The following MMP17 variants were observed in gnomAD, a reference collection of about 807,000 sequenced individuals.
The protein encoded by MMP17 is matrix metallopeptidase 17.
In MMP17, 54 loss-of-function variants were observed where a neutral mutation model predicts 49.1. The observed-to-expected ratio is 1.10, with a 90% CI of 0.88 to 1.38. MMP17 has a LOEUF of 1.38. MMP17 is among the 40% of genes most tolerant of loss of function. MMP17 has a pLI of 0.00. For missense variants in MMP17, 837 were observed against 853.7 expected, an observed-to-expected ratio of 0.98 and a Z score of 0.24; for synonymous variants, 397 against 383.1, an observed-to-expected ratio of 1.04 and a Z score of -0.42.
chr12:131,835,037 C>A (rs1887009944), intron 1 of MMP17, among the ~76,000 whole-genome samples: 1 of 152,194 alleles, frequency 6.6e-6, no homozygotes. Context: ...GCTCCCAAAC[C>A]TGCAAGGCTT....
Position 131,851,642 on chromosome 12 carries a change from G to A in MMP17, c.*368G>A, listed in dbSNP as rs115918518. 1,004 of 223,214 alleles carry A rather than the reference G, an allele frequency of 4.5e-3. 7 individuals are homozygous for A. Among genetic ancestry groups the A allele is most frequent in the African/African-American group, 0.02 (898 of 44,244 alleles). 13.8% of individuals were successfully genotyped at this position (223,214 alleles called of 1,614,324 possible). ...ACCCACACTGCTGCCTGGTGCTCCC[G>A]CCGGCCCACAGGGCCTCCGTCCCCA... On this transcript the variant is annotated 3_prime_UTR_variant, in exon 10 of 10. Coordinates refer to ENST00000360564, the MANE Select transcript of MMP17 (RefSeq NM_016155.7).
intron 1 of MMP17, among the ~76,000 whole-genome samples, chr12:131,837,137 G>C (rs1887124166): frequency 6.6e-6 from 1 of 152,202 alleles, no homozygotes; most frequent in Non-Finnish European, 1.5e-5. Context: ...CCTGCGCCAG[G>C]TGCTGGTGTG....
intron 5 of MMP17, among the ~76,000 whole-genome samples, chr12:131,843,761 C>G (rs184682767): frequency 6.6e-6 from 1 of 152,208 alleles, no homozygotes; most frequent in Non-Finnish European, 1.5e-5. Flanking sequence ...GGGTGTACCC[C>G]GGGGTGGAAT....
At position 131,851,427 on chromosome 12, in the gene MMP17, G is replaced by C. The variant is rs1467443240; in HGVS notation, c.*153G>C. The C allele has an allele frequency of 3.4e-6, 2 of 588,978 alleles. No homozygotes were observed. Among genetic ancestry groups the C allele is most frequent in the African/African-American group, 1.9e-5 (1 of 51,704 alleles). The allele number at this position is 588,978 out of a possible 1,614,324, so 36.5% of individuals were successfully genotyped here. A position where few individuals can be genotyped will look rare whatever the true frequency, so the allele number is the denominator to read the frequency against. On this transcript the variant is annotated 3_prime_UTR_variant, in exon 10 of 10. Transcript: ENST00000360564. Reference sequence around the variant, plus strand: ...GGCCAGCAGAGGGCACTGTCCGCCAGGGCTGGGCAGGCTCAGGTGGCAAGG... The same window carrying C: ...GGCCAGCAGAGGGCACTGTCCGCCACGGCTGGGCAGGCTCAGGTGGCAAGG...
intron 8 of MMP17, among the ~76,000 whole-genome samples, chr12:131,847,692 C>T (rs11613757): frequency 0.085 from 12,906 of 152,354 alleles, 614 homozygotes; most frequent in Middle Eastern, 0.13. Context: ...GGAATGCCAC[C>T]GAGGGCAGGT....
In MMP17 at chr12:131,851,296, A is replaced by G; in HGVS notation, c.*22A>G. 2 of 1,372,110 alleles carry G rather than the reference A, an allele frequency of 1.5e-6. No homozygotes were observed. The highest frequency in any genetic ancestry group is 1.9e-6 in the Non-Finnish European group (2 of 1,059,320). The allele number at this position is 1,372,110 out of a possible 1,614,324, so 85.0% of individuals were successfully genotyped here. On this transcript the variant is annotated 3_prime_UTR_variant, in exon 10 of 10. Coordinates refer to ENST00000360564, the MANE Select transcript of MMP17 (RefSeq NM_016155.7). ...ATGACACACAGCGCGAGCCCATGAGAGGACAGAGGCGGTGGGACAGCCTGG... is the reference window on the plus strand; with the variant it reads ...ATGACACACAGCGCGAGCCCATGAGGGGACAGAGGCGGTGGGACAGCCTGG...
chr12:131,845,297 G>A lies in MMP17; in HGVS notation c.1052G>A (p.Gly351Asp), dbSNP rs1414658695. Residue 351 changes from glycine to aspartate, a missense_variant and splice_region_variant, in exon 8 of 10, where the codon GGC (glycine) becomes GAC (aspartate). Coordinates refer to ENST00000360564, the MANE Select transcript of MMP17 (RefSeq NM_016155.7). ...QIRGEAFFFK[G>D]KYFWRLTRDR... ...CCGGCCCTCCCCTCTGTGCCCCCAG[G>A]CAAGTACTTCTGGCGGCTGACGCGG... 6.2e-7 allele frequency: 1 copy of A among 1,609,312 alleles called. No homozygotes were observed. The highest frequency in any genetic ancestry group is 1.3e-5 in the African/African-American group (1 of 74,896).
rs1052900165 is a variant in MMP17 at position 131,838,443 on chromosome 12, T to C, written c.292+116T>C. The C allele has an allele frequency of 2.7e-6, 4 of 1,469,242 alleles. No individual in the cohort carries two copies. The African/African-American group carries it at 5.6e-5, about 21-fold the overall frequency. The allele number at this position is 1,469,242 out of a possible 1,614,324, so 91.0% of individuals were successfully genotyped here. A position where few individuals can be genotyped will look rare whatever the true frequency, so the allele number is the denominator to read the frequency against. ...CTTATGCTTGAATGAACCTGGGTCC[T>C]GGCCTGGTGTAGCTCAGAGCCTGGG... is the stretch of plus-strand genomic sequence containing the variant. On this transcript the variant is annotated intron_variant, in intron 2 of 9. Coordinates refer to ENST00000360564, the MANE Select transcript of MMP17 (RefSeq NM_016155.7).
intron 8 of MMP17, among the ~76,000 whole-genome samples, chr12:131,848,698 C>T (rs547601739): frequency 3.9e-5 from 6 of 152,318 alleles, no homozygotes; most frequent in African/African-American, 7.2e-5. Context: ...GTGCCTGGCT[C>T]GTGTCACTCA....
rs748291671 is a variant in MMP17 at position 131,845,163 on chromosome 12, G to T, written c.1014G>T (p.Ala338=). The change falls in exon 7 of 10, where the codon GCG becomes GCT. Residue 338 remains alanine (A), a synonymous_variant. Transcript: ENST00000360564. ...VPHRCSTHFD[A]VAQIRGEAFF... Reference sequence around the variant, plus strand: ...ACAGATGCAGCACTCACTTTGACGCGGTGGCCCAGATCCGGGGTGAAGCTT... The same window carrying T: ...ACAGATGCAGCACTCACTTTGACGCTGTGGCCCAGATCCGGGGTGAAGCTT... 6.2e-7 allele frequency: 1 copy of T among 1,614,016 alleles called. No individual in the cohort carries two copies. The highest frequency in any genetic ancestry group is 8.5e-7 in the Non-Finnish European group (1 of 1,179,926).
In MMP17 at chr12:131,845,417, G is replaced by C. The variant is rs762997045; in HGVS notation, c.1172G>C (p.Arg391Pro). ...HLDSVDAVYERTSDHKIVFFK... is the reference protein window; with the variant it reads ...HLDSVDAVYEPTSDHKIVFFK... ...GACAGCGTGGACGCCGTGTACGAGC[G>C]CACCAGCGACCACAAGATCGTCTTC... Residue 391 changes from arginine (R) to proline (P), a missense_variant, in exon 8 of 10, where the codon CGC becomes CCC. Coordinates refer to ENST00000360564, the MANE Select transcript of MMP17 (RefSeq NM_016155.7). The C allele has an allele frequency of 1.9e-6, 3 of 1,580,016 alleles. No individual in the cohort carries two copies. Among genetic ancestry groups the C allele is most frequent in the East Asian group, 2.3e-5 (1 of 44,348 alleles).
chr12:131,835,230 C>T (rs1023723322), intron 1 of MMP17, among the ~76,000 whole-genome samples: 6 of 152,246 alleles, frequency 3.9e-5, no homozygotes, highest in Admixed American at 2.6e-4. Context: ...CCCCAAGATT[C>T]GATGCCATTC....
intron 1 of MMP17, 58 bp from the exon 2 acceptor site, chr12:131,838,137 C>A: frequency 6.6e-7 from 1 of 1,523,960 alleles, no homozygotes; most frequent in East Asian, 2.3e-5. Flanking sequence ...TGGCAGGCTT[C>A]TCACTGGGTA....
rs201413592 is a variant in MMP17, at chr12:131,840,760, G to A, written c.610G>A (p.Gly204Ser). The A allele has an allele frequency of 9.3e-6, 15 of 1,604,424 alleles. No homozygotes were observed. The highest frequency in any genetic ancestry group is 2.2e-5 in the East Asian group (1 of 44,886). ...HNDGYPFDGP[G>S]GTVAHAFFPG... ...CGACGGCTACCCCTTCGACGGCCCC[G>A]GCGGCACCGTGGCCCACGCCTTCTT... The change falls in exon 4 of 10, where the codon GGC (glycine) becomes AGC (serine). Residue 204 changes from glycine (G) to serine (S), a missense_variant. Transcript: ENST00000360564.
In MMP17 at chr12:131,844,064, C is replaced by A. The variant is rs763158219; in HGVS notation, c.951C>A (p.Asp317Glu). ...EEPPLLPEPP[D>E]NRSSAPPRKD... ...CTCCCCTGCTGCCGGAGCCCCCAGA[C>A]AACCGGTCCAGCGCCCCGTAAGCCC... The change falls in exon 6 of 10, where the codon GAC becomes GAA. Residue 317 changes from aspartate (D) to glutamate (E), a missense_variant. By Grantham distance (45) the Asp-to-Glu change is conservative. Transcript: ENST00000360564. 1.3e-6 allele frequency: 2 copies of A among 1,564,022 alleles called. No individual in the cohort carries two copies. The highest frequency in any genetic ancestry group is 1.8e-5 in the Admixed American group (1 of 54,294).
rs1338612639 is a variant in MMP17 at position 131,844,317 on chromosome 12, C to G, written c.968+236C>G. The G allele has an allele frequency of 7.4e-6, 4 of 538,248 alleles. No homozygotes were observed. In the East Asian group the frequency reaches 1.0e-4, roughly 14 times the overall value. 33.3% of individuals were successfully genotyped at this position (538,248 alleles called of 1,614,324 possible). On this transcript the variant is annotated intron_variant, in intron 6 of 9. Transcript: ENST00000360564. ...AGACAAGGTTTCCTCTCCCCCTCGT[C>G]CCTGTCAGCTACTGCCATGTGACAA...
At chr12:131,831,181 G>T (rs528180445) in intron 1 of MMP17, among the ~76,000 whole-genome samples, 5 of 152,370 alleles carry the variant, frequency 3.3e-5, no homozygotes, top group African/African-American at 1.2e-4. Context: ...CGGACTCGCG[G>T]CGAGAGTGTC....
chr12:131,845,945 C>T (rs1331758975), intron 8 of MMP17, among the ~76,000 whole-genome samples: 2 of 152,176 alleles, frequency 1.3e-5, no homozygotes, highest in African/African-American at 4.8e-5. Flanking sequence ...CGTGAGGGGC[C>T]GTGGCTGCTA....
intron 1 of MMP17, among the ~76,000 whole-genome samples, chr12:131,832,394 G>A (rs1886871538): frequency 1.4e-5 from 2 of 146,222 alleles, no homozygotes; most frequent in South Asian, 4.6e-4. Flanking sequence ...GGAACGGGAA[G>A]GGGGAAGGCT....
Sources: gnomAD v4.1 joint callset for allele counts (sites outside exome capture counted in the v4.1 genomes callset) on GRCh38, gnomAD v4.1.1 for gene constraint, MANE v1.5 for transcripts, NCBI Gene and HGNC (gene_info 2026-07-23, HGNC 2026-07-21) for gene names.